Variants in LONP2 observed in about 807,000 individuals in gnomAD.
The protein encoded by LONP2 is lon peptidase 2, peroxisomal.
A neutral mutation model predicts 85.6 loss-of-function variants in LONP2; 60 were observed. The observed-to-expected ratio is 0.70, with a 90% confidence interval of 0.57 to 0.87. LONP2 has a LOEUF of 0.87. LONP2 is among the 40% of genes least tolerant of loss of function. The pLI, the probability that LONP2 is intolerant of heterozygous loss-of-function variation, is 0.00. For missense variants in LONP2, 860 were observed against 1,063.5 expected, an observed-to-expected ratio of 0.81 and a Z score of 2.66; for synonymous variants, 395 against 389.7, an observed-to-expected ratio of 1.01 and a Z score of -0.16.
intron 11 of LONP2, among the ~76,000 whole-genome samples, chr16:48,326,772 AC>A (rs1263628525): frequency 6.6e-6 from 1 of 151,856 alleles, no homozygotes; most frequent in African/African-American, 2.4e-5. Flanking sequence ...AGTTATTACA[AC>A]CCCCTTATCC....
chr16:48,318,151 T>A (rs1973185007), intron 11 of LONP2, among the ~76,000 whole-genome samples: 1 of 151,794 alleles, frequency 6.6e-6, no homozygotes, highest in Non-Finnish European at 1.5e-5. Context: ...CTGTTTTGGT[T>A]GAGGAAGGAG....
chr16:48,266,327 G>GT lies in LONP2; in HGVS notation c.982+3469dup, dbSNP rs373545339. 6.0e-3 allele frequency among the ~76,000 whole-genome samples: 848 copies of GT among 140,462 alleles called. 3 individuals are homozygous for GT. Among genetic ancestry groups the GT allele is most frequent in the Middle Eastern group, 0.015 (4 of 270 alleles). 92.1% of individuals were successfully genotyped at this position (140,462 alleles called of 152,430 possible). ...GCCCTTAATTTCTCTTTGGAGAAAG[G>GT]TTTTTTTTTTTTTTGAGCTTTATTG... On this transcript the variant is annotated intron_variant, in intron 6 of 14. Coordinates refer to ENST00000285737, the MANE Select transcript of LONP2 (RefSeq NM_031490.5).
At chr16:48,343,716 C>T (rs1013176239) in intron 12 of LONP2, 1 of 152,076 alleles carries the variant, frequency 6.6e-6, no homozygotes, top group South Asian at 2.1e-4. Context: ...AGAATGCAAT[C>T]ATACATTAGA....
At position 48,244,414 on chromosome 16, in the gene LONP2, T is replaced by TC; in HGVS notation, c.30dup (p.Ser11GlnfsTer55). The TC allele has an allele frequency of 1.3e-6, 2 of 1,579,416 alleles. No individual in the cohort carries two copies. The highest frequency in any genetic ancestry group is 2.3e-5 in the South Asian group (2 of 87,918). On this transcript the variant is annotated frameshift_variant, in exon 1 of 15. Transcript: ENST00000285737. LOFTEE classifies it high-confidence loss of function. ...ATGTCATCAGTGAGCCCCATCCAGATCCCCAGTCGCCTCCCGCTGCTGCTC... is the reference window on the plus strand; with the variant it reads ...ATGTCATCAGTGAGCCCCATCCAGATCCCCCAGTCGCCTCCCGCTGCTGCTC...
At chr16:48,343,954 A>G (rs542066545) in intron 12 of LONP2, 4 of 152,334 alleles carry the variant, frequency 2.6e-5, no homozygotes, top group African/African-American at 9.6e-5. Flanking sequence ...AAAACATTCT[A>G]GACTTCAAGT....
At chr16:48,292,279 G>A (rs1431826513) in intron 8 of LONP2, among the ~76,000 whole-genome samples, 1 of 152,100 alleles carries the variant, frequency 6.6e-6, no homozygotes, top group Non-Finnish European at 1.5e-5. Context: ...ACATGGTTGG[G>A]GTGAAATTCA....
downstream of LONP2, chr16:48,360,672 A>C (rs528824431): frequency 6.5e-6 from 1 of 152,768 alleles, no homozygotes; most frequent in East Asian, 1.9e-4. Context: ...AAAACCAATA[A>C]ATACAAGAAC....
chr16:48,307,753 A>G (rs1567334178), intron 11 of LONP2, among the ~76,000 whole-genome samples: 2 of 152,222 alleles, frequency 1.3e-5, no homozygotes, highest in Non-Finnish European at 2.9e-5. Flanking sequence ...AAATATGTAA[A>G]TGTTGTGTTA....
At chr16:48,256,806 T>C in intron 3 of LONP2, 65 bp downstream of exon 3, 2 of 1,488,932 alleles carry the variant, frequency 1.3e-6, no homozygotes, top group Non-Finnish European at 1.8e-6. Context: ...AGATAGTGAG[T>C]AGTTAAGTTT....
chr16:48,246,336 A>G (rs967312454), intron 1 of LONP2, among the ~76,000 whole-genome samples: 14 of 151,922 alleles, frequency 9.2e-5, no homozygotes, highest in African/African-American at 2.9e-4. Context: ...CCAACATACG[A>G]CTCTGCTCCT....
At chr16:48,286,678 G>A (rs1972450653) in intron 8 of LONP2, among the ~76,000 whole-genome samples, 1 of 151,592 alleles carries the variant, frequency 6.6e-6, no homozygotes, top group African/African-American at 2.4e-5. Flanking sequence ...CCAATTTTTT[G>A]TAGAGACAGG....
downstream of LONP2, among the ~76,000 whole-genome samples, chr16:48,357,948 T>C (rs1007251366): frequency 1.3e-5 from 2 of 152,118 alleles, no homozygotes; most frequent in Non-Finnish European, 2.9e-5. Flanking sequence ...ATAAAAGCAA[T>C]AGAACAAAGT....
chr16:48,329,745 G>A (rs1236326787), intron 11 of LONP2, among the ~76,000 whole-genome samples: 2 of 152,090 alleles, frequency 1.3e-5, no homozygotes, highest in African/African-American at 2.4e-5. Context: ...TCAGTTTAAC[G>A]TTGTTTTGAA....
chr16:48,317,859 G>C (rs1466066150), intron 11 of LONP2, among the ~76,000 whole-genome samples: 1 of 152,200 alleles, frequency 6.6e-6, no homozygotes. Flanking sequence ...CCACAAGTCT[G>C]TCTCCCTCAA....
At chr16:48,341,398 C>T (rs888145947) in intron 12 of LONP2, among the ~76,000 whole-genome samples, 9 of 152,236 alleles carry the variant, frequency 5.9e-5, no homozygotes, top group Admixed American at 3.3e-4. Context: ...AAGGGGGAGC[C>T]GGCATGTCAT....
intron 6 of LONP2, among the ~76,000 whole-genome samples, chr16:48,266,065 A>G (rs2150973127): frequency 6.6e-6 from 1 of 152,160 alleles, no homozygotes; most frequent in African/African-American, 2.4e-5. Context: ...GTGCAGTGGC[A>G]TGATCTTGGC....
At position 48,322,028 on chromosome 16, in the gene LONP2, C is replaced by T. The variant is rs192217806; in HGVS notation, c.1796-12188C>T. ...CTTGAACTCTTGGGCTCAAGTGATC[C>T]TTCTACCTCATCCTCCTAAGTAGCT... On this transcript the variant is annotated intron_variant, in intron 11 of 14. Coordinates refer to ENST00000285737, the MANE Select transcript of LONP2 (RefSeq NM_031490.5). Among the ~76,000 whole-genome samples the T allele has an allele frequency of 8.6e-3, 1,294 of 150,368 alleles. 24 individuals are homozygous for T. Among genetic ancestry groups the T allele is most frequent in the African/African-American group, 0.03 (1,232 of 40,984 alleles).
chr16:48,252,508 T>C, intron 2 of LONP2, 143 bp downstream of exon 2: 1 of 507,558 alleles, frequency 2.0e-6, no homozygotes, highest in South Asian at 4.2e-5. Context: ...AATTCTGATT[T>C]ACTCTTATCT....
intron 8 of LONP2, among the ~76,000 whole-genome samples, chr16:48,290,850 G>A (rs1972545436): frequency 6.6e-6 from 1 of 152,138 alleles, no homozygotes; most frequent in South Asian, 2.1e-4. Context: ...CCTCCCAAGA[G>A]ATTGGGCTGG....
Sources: allele counts gnomAD v4.1 joint callset (sites outside exome capture counted in the v4.1 genomes callset), GRCh38; gene constraint gnomAD v4.1.1; transcripts MANE v1.5; gene names NCBI Gene and HGNC (gene_info 2026-07-23, HGNC 2026-07-21).